MX1: variants seen among roughly 807,000 people sequenced by gnomAD.
MX1 encodes the protein interferon-induced GTP-binding protein Mx1.
Under a neutral mutation model 66.4 loss-of-function variants are expected in MX1, and 66 were observed. That is an observed-to-expected ratio of 0.99 (90% CI 0.82 to 1.22). The LOEUF is 1.22. Among genes scored for constraint, MX1 ranks in the 50% most tolerant of loss-of-function variants. MX1 has a pLI of 0.00. For missense variants in MX1, 787 were observed against 834.3 expected (o/e 0.94, Z 0.70); for synonymous variants, 311 against 318.1 (o/e 0.98, Z 0.24).
chr21:41,431,962 G>A (rs1444735430), intron 4 of MX1, 88 bp from the exon 5 acceptor site: 8 of 1,005,818 alleles, frequency 8.0e-6, no homozygotes, highest in Admixed American at 4.1e-5. Context: ...CCACCTCCAG[G>A]GGCCTTCCGT....
At chr21:41,451,005 T>C in intron 14 of MX1, 162 bp from the exon 15 acceptor site, 1 of 474,734 alleles carries the variant, frequency 2.1e-6, no homozygotes, top group East Asian at 3.2e-5. Context: ...AGCAAATTAT[T>C]AAGCAAAAAG....
intron 10 of MX1, chr21:41,442,517 A>G (rs993798720): frequency 6.6e-6 from 1 of 152,644 alleles, no homozygotes; most frequent in Non-Finnish European, 1.5e-5. Flanking sequence ...ACCAAAAGTG[A>G]CATTTTTTAA....
At chr21:41,436,731 C>T (rs1320785049) in intron 6 of MX1, among the ~76,000 whole-genome samples, 1 of 152,086 alleles carries the variant, frequency 6.6e-6, no homozygotes, top group African/African-American at 2.4e-5. Flanking sequence ...GGTCTGCCAC[C>T]TGAGCTGATG....
chr21:41,437,012 T>C lies in MX1; in HGVS notation c.299-3T>C. The C allele has an allele frequency of 6.2e-7, 1 of 1,613,800 alleles. No homozygotes were observed. The highest frequency in any genetic ancestry group is 8.5e-7 in the Non-Finnish European group (1 of 1,179,808). On this transcript the variant is annotated splice_polypyrimidine_tract_variant and splice_region_variant and intron_variant, in intron 6 of 16. Transcript: ENST00000398598. ...GAGCACTGATGTGGGCGTGGCCTCC[T>C]AGGGATCGTGACCAGATGCCCGCTG... is the stretch of plus-strand genomic sequence containing the variant.
chr21:41,425,047 G>T (rs1158701100), upstream of MX1, among the ~76,000 whole-genome samples: 1 of 152,214 alleles, frequency 6.6e-6, no homozygotes, highest in African/African-American at 2.4e-5. Context: ...GCTTGCATCT[G>T]CAACTTGTTA....
At position 41,444,318 on chromosome 21, in the gene MX1, C is replaced by CTTTTTTTTTTTTTTTTTT. The variant is rs11317486; in HGVS notation, c.1008+461_1008+478dup. On this transcript the variant is annotated intron_variant, in intron 11 of 16. Transcript: ENST00000398598. ...AATTTTCTTTTCTTTTCTTTTCTTT[C>CTTTTTTTTTTTTTTTTTT]TTTTTTTTTTTTTTTTTTTTTTTTT... 1.3e-4 allele frequency among the ~76,000 whole-genome samples: 9 copies of CTTTTTTTTTTTTTTTTTT among 71,538 alleles called. 1 individual carries two copies. The highest frequency in any genetic ancestry group is 1.5e-4 in the Non-Finnish European group (6 of 40,866). The allele number at this position is 71,538 out of a possible 152,430, so 46.9% of individuals were successfully genotyped here.
intron 13 of MX1, among the ~76,000 whole-genome samples, chr21:41,448,533 C>T (rs1213445307): frequency 1.3e-5 from 2 of 152,112 alleles, no homozygotes; most frequent in Non-Finnish European, 2.9e-5. Context: ...TGGCCGGGCA[C>T]GGTGGCTCAC....
At chr21:41,427,527 A>G (rs1221967042) in intron 2 of MX1, among the ~76,000 whole-genome samples, 2 of 151,884 alleles carry the variant, frequency 1.3e-5, no homozygotes, top group Admixed American at 6.6e-5. Context: ...AAGCTTATAA[A>G]AAAAGAAAAA....
intron 16 of MX1, among the ~76,000 whole-genome samples, chr21:41,456,084 A>C (rs931327323): frequency 6.6e-6 from 1 of 152,208 alleles, no homozygotes; most frequent in Non-Finnish European, 1.5e-5. Context: ...TCTACTAAAA[A>C]TACAAAAAAA....
chr21:41,439,746 C>T lies in MX1; in HGVS notation c.489C>T (p.Thr163=), dbSNP rs1319513619. ...TGGGAATCAGTCATGAGCTAATCAC[C>T]CTGGAGATCAGCTCCCGAGATGTCC... ...EGMGISHELI[T]LEISSRDVPD... is the part of the protein sequence containing the mutation. The change falls in exon 8 of 17, where the codon ACC becomes ACT. Residue 163 remains threonine (T), a synonymous_variant. Transcript: ENST00000398598. 1 of 1,613,986 alleles carries T rather than the reference C, an allele frequency of 6.2e-7. No individual in the cohort carries two copies. Among genetic ancestry groups the T allele is most frequent in the East Asian group, 2.2e-5 (1 of 44,894 alleles).
chr21:41,426,112 G>A (rs1440533076), upstream of MX1: 2 of 174,408 alleles, frequency 1.1e-5, no homozygotes, highest in East Asian at 2.7e-4. Flanking sequence ...GCAGGTGCGG[G>A]GCCAGGAGCT....
Position 41,459,091 on chromosome 21 carries a change from T to A in MX1, c.*333T>A, listed in dbSNP as rs1042375814. 2.4e-6 allele frequency: 1 copy of A among 414,464 alleles called. No homozygotes were observed. Among genetic ancestry groups the A allele is most frequent in the Admixed American group, 4.1e-5 (1 of 24,454 alleles). The allele number at this position is 414,464 out of a possible 1,614,324, so 25.7% of individuals were successfully genotyped here. Reference sequence around the variant, plus strand: ...ACTGACACATGCTGAACATCACAGCTTATTTCCTCATTTTTATAATGTCCC... The same window carrying A: ...ACTGACACATGCTGAACATCACAGCATATTTCCTCATTTTTATAATGTCCC... On this transcript the variant is annotated 3_prime_UTR_variant, in exon 17 of 17. Transcript: ENST00000398598.
Position 41,440,974 on chromosome 21 carries a change from G to A in MX1, c.679G>A (p.Glu227Lys). 1 of 1,614,228 alleles carries A rather than the reference G, an allele frequency of 6.2e-7. No homozygotes were observed. The highest frequency in any genetic ancestry group is 8.5e-7 in the Non-Finnish European group (1 of 1,180,040). Residue 227 changes from glutamate (E) to lysine (K), a missense_variant, in exon 9 of 17, where the codon GAG becomes AAG. Transcript: ENST00000398598. ...VPSNVDIATT[E>K]ALSMAQEVDP... is the part of the protein sequence containing the mutation. ...CAGTAATGTGGACATCGCCACCACA[G>A]AGGCTCTCAGCATGGCCCAGGAGGT...
At chr21:41,451,306 A>G (rs2090818240) in intron 15 of MX1, 63 bp downstream of exon 15, 3 of 1,065,604 alleles carry the variant, frequency 2.8e-6, no homozygotes, top group African/African-American at 1.6e-5. Flanking sequence ...GACACTAGAA[A>G]ATAGATTTCT....
chr21:41,439,197 T>A (rs2090441202), intron 7 of MX1, among the ~76,000 whole-genome samples: 1 of 151,836 alleles, frequency 6.6e-6, no homozygotes, highest in Non-Finnish European at 1.5e-5. Context: ...CAAATTCATA[T>A]CCTAAAATTC....
intron 4 of MX1, chr21:41,431,835 G>T: frequency 2.0e-6 from 1 of 489,140 alleles, no homozygotes; most frequent in Non-Finnish European, 3.7e-6. Context: ...TCTGACCTTG[G>T]CTTCTTTGGG....
upstream of MX1, chr21:41,426,152 T>G (rs949909811): frequency 3.0e-5 from 5 of 167,750 alleles, no homozygotes; most frequent in Non-Finnish European, 6.4e-5. Flanking sequence ...GGAGCCGCCC[T>G]CAGCACAGGG....
intron 13 of MX1, among the ~76,000 whole-genome samples, chr21:41,447,727 A>G (rs1253321850): frequency 6.6e-6 from 1 of 151,690 alleles, no homozygotes; most frequent in Non-Finnish European, 1.5e-5. Flanking sequence ...TCACTCACCC[A>G]TACACTTTTT....
intron 3 of MX1, chr21:41,429,377 C>G (rs2090150371): frequency 6.6e-6 from 1 of 152,186 alleles, no homozygotes; most frequent in African/African-American, 2.4e-5. Context: ...CTCACCAAGT[C>G]CTGTTTCAGC....
Sources: allele counts gnomAD v4.1 joint callset (sites outside exome capture counted in the v4.1 genomes callset), GRCh38; gene constraint gnomAD v4.1.1; transcripts MANE v1.5; gene names NCBI Gene and HGNC (gene_info 2026-07-23, HGNC 2026-07-21).